Variants in SORCS1 observed in about 807,000 individuals in gnomAD.
SORCS1 encodes the protein sortilin related VPS10 domain containing receptor 1.
A neutral mutation model predicts 146.1 loss-of-function variants in SORCS1; 60 were observed. That is an observed-to-expected ratio of 0.41 (90% CI 0.33 to 0.51). The LOEUF is 0.51. SORCS1 is among the 20% of genes least tolerant of loss of function. The pLI is 0.21. For missense variants in SORCS1, 1,352 were observed against 1,487.6 expected (o/e 0.91, Z 1.50); for synonymous variants, 637 against 584.0 (o/e 1.09, Z -1.31).
intron 17 of SORCS1, among the ~76,000 whole-genome samples, chr10:106,659,724 C>A (rs1186429391): frequency 6.6e-6 from 1 of 152,086 alleles, no homozygotes; most frequent in Non-Finnish European, 1.5e-5. Flanking sequence ...TACCATAGCA[C>A]CAGGATAAGA....
At chr10:106,920,627 T>C (rs988092339) in intron 2 of SORCS1, among the ~76,000 whole-genome samples, 1 of 152,192 alleles carries the variant, frequency 6.6e-6, no homozygotes, top group African/African-American at 2.4e-5. Flanking sequence ...ATGGAGTTTC[T>C]TGACTCAACT....
intron 2 of SORCS1, among the ~76,000 whole-genome samples, chr10:106,930,279 C>T (rs543536490): frequency 6.6e-6 from 1 of 150,440 alleles, no homozygotes; most frequent in Non-Finnish European, 1.5e-5. Flanking sequence ...GAGACTCTGT[C>T]TCTAAAAAAA....
chr10:106,611,862 G>C (rs746202499), intron 22 of SORCS1, 49 bp downstream of exon 22: 2 of 1,374,976 alleles, frequency 1.5e-6, no homozygotes, highest in South Asian at 2.3e-5. Context: ...ATTCTTCAAG[G>C]ACAGAGAGAA....
chr10:106,838,151 A>G (rs1413768635), intron 2 of SORCS1, among the ~76,000 whole-genome samples: 1 of 152,182 alleles, frequency 6.6e-6, no homozygotes, highest in East Asian at 1.9e-4. Flanking sequence ...AGAAGCTCAT[A>G]TGGTTTGGCA....
intron 1 of SORCS1, among the ~76,000 whole-genome samples, chr10:107,033,130 G>A (rs1318764731): frequency 6.6e-6 from 1 of 152,196 alleles, no homozygotes; most frequent in Non-Finnish European, 1.5e-5. Context: ...AATCATGGTG[G>A]AAGGCAAAGG....
At chr10:106,779,868 A>G (rs1219637727) in intron 3 of SORCS1, among the ~76,000 whole-genome samples, 1 of 152,210 alleles carries the variant, frequency 6.6e-6, no homozygotes, top group African/African-American at 2.4e-5. Context: ...ATGTACTCCA[A>G]TTAATCACAA....
intron 5 of SORCS1, among the ~76,000 whole-genome samples, chr10:106,740,616 C>T (rs1343710644): frequency 6.6e-6 from 1 of 152,046 alleles, no homozygotes. Context: ...AGGCATTTAG[C>T]TCCATCAGAA....
intron 1 of SORCS1, among the ~76,000 whole-genome samples, chr10:107,001,689 C>T (rs898304525): frequency 1.3e-5 from 2 of 152,270 alleles, no homozygotes; most frequent in South Asian, 2.1e-4. Context: ...GTCTGGAAAT[C>T]GTGCCCTCAG....
chr10:106,618,049 G>T, intron 21 of SORCS1, 100 bp downstream of exon 21: 1 of 1,506,458 alleles, frequency 6.6e-7, no homozygotes, highest in South Asian at 1.3e-5. Context: ...CCGTTCTCCA[G>T]GTAAAAGTCA....
chr10:106,705,928 G>C (rs1408392752), intron 8 of SORCS1, among the ~76,000 whole-genome samples: 4 of 152,192 alleles, frequency 2.6e-5, no homozygotes, highest in Non-Finnish European at 5.9e-5. Flanking sequence ...AAGACAACCA[G>C]TCTCATAAGT....
At chr10:106,739,694 G>A (rs759105569) in intron 5 of SORCS1, among the ~76,000 whole-genome samples, 46 of 151,724 alleles carry the variant, frequency 3.0e-4, no homozygotes, top group African/African-American at 1.0e-3. Context: ...GGCGAGCGCC[G>A]TAATCCCAGC....
At position 106,656,421 on chromosome 10, in the gene SORCS1, G is replaced by A. The variant is rs1005984935; in HGVS notation, c.2304-3868C>T. Among the ~76,000 whole-genome samples, 89 of 152,220 alleles carry A rather than the reference G, an allele frequency of 5.8e-4. 1 individual carries two copies. The highest frequency in any genetic ancestry group is 2.0e-3 in the African/African-American group (85 of 41,528). On this transcript the variant is annotated intron_variant, in intron 17 of 25. Coordinates refer to ENST00000263054, the MANE Select transcript of SORCS1 (RefSeq NM_052918.5). ...AAAAAATTAGCCGGGCTTGCTGGCGGGCGCCTGTAGTCCCAGCTACTCTAC... is the reference window on the plus strand; with the variant it reads ...AAAAAATTAGCCGGGCTTGCTGGCGAGCGCCTGTAGTCCCAGCTACTCTAC...
At position 106,679,674 on chromosome 10, in the gene SORCS1, T is replaced by C. The variant is rs1033804068; in HGVS notation, c.1621A>G (p.Ile541Val). 1.2e-6 allele frequency: 2 copies of C among 1,612,742 alleles called. No individual in the cohort carries two copies. The highest frequency in any genetic ancestry group is 2.7e-5 in the African/African-American group (2 of 74,912). The change falls in exon 11 of 26, where the codon ATT (isoleucine) becomes GTT (valine). Residue 541 changes from isoleucine to valine, a missense_variant. By Grantham distance (29) the Ile-to-Val change is conservative (BLOSUM62 3). This residue lies in a region of SORCS1 where 648 missense variants were observed against 793.8 expected (regional missense o/e 0.82). Transcript: ENST00000263054. ...VSENPYTSGI[I>V]ASKDTAPSII... Reference sequence around the variant, plus strand: ...CTTGGAGCTGTGTCTTTGCTGGCAATGATCCCTGATGTGTAGGGATTCTCA... The same window carrying C: ...CTTGGAGCTGTGTCTTTGCTGGCAACGATCCCTGATGTGTAGGGATTCTCA...
At chr10:106,872,387 A>G (rs1259160792) in intron 2 of SORCS1, among the ~76,000 whole-genome samples, 1 of 152,232 alleles carries the variant, frequency 6.6e-6, no homozygotes, top group African/African-American at 2.4e-5. Context: ...TCTGTAGCTG[A>G]GGAAGAGAGC....
chr10:106,825,799 C>T (rs1948277601), intron 3 of SORCS1, among the ~76,000 whole-genome samples: 1 of 152,188 alleles, frequency 6.6e-6, no homozygotes, highest in African/African-American at 2.4e-5. Context: ...TGCCTCTCCT[C>T]TGGCACTGGG....
At position 106,672,999 on chromosome 10, in the gene SORCS1, G is replaced by T; in HGVS notation, c.1941-14C>A. ...TGTCCAAACACTCTACAGAGTTCAT[G>T]GTGATAAAAATAATTACAATGATAA... On this transcript the variant is annotated splice_polypyrimidine_tract_variant and intron_variant, in intron 14 of 25. Coordinates refer to ENST00000263054, the MANE Select transcript of SORCS1 (RefSeq NM_052918.5). The T allele has an allele frequency of 6.3e-7, 1 of 1,598,382 alleles. No individual in the cohort carries two copies. The highest frequency in any genetic ancestry group is 8.6e-7 in the Non-Finnish European group (1 of 1,166,500).
At chr10:106,697,599 G>A (rs922712771) in intron 9 of SORCS1, among the ~76,000 whole-genome samples, 1 of 76,802 alleles carries the variant, frequency 1.3e-5, no homozygotes, top group Admixed American at 1.6e-4. Context: ...AGATGTTAAG[G>A]CTATGAGAGT....
chr10:106,750,168 T>G (rs1858045589), intron 5 of SORCS1, among the ~76,000 whole-genome samples: 1 of 152,152 alleles, frequency 6.6e-6, no homozygotes, highest in African/African-American at 2.4e-5. Flanking sequence ...TATGAGGATT[T>G]TTTTTCCCTC....
the SORCS1 span, among the ~76,000 whole-genome samples, chr10:107,171,269 G>C: frequency 6.6e-6 from 1 of 152,164 alleles, no homozygotes; most frequent in South Asian, 2.1e-4. Flanking sequence ...GAAGAGTAGA[G>C]AACAGGTGTT....
Sources: gnomAD v4.1 joint callset for allele counts (sites outside exome capture counted in the v4.1 genomes callset) on GRCh38, gnomAD v4.1.1 for gene constraint, gnomAD v4.1.1 regional missense constraint, MANE v1.5 for transcripts, NCBI Gene and HGNC (gene_info 2026-07-23, HGNC 2026-07-21) for gene names.